The following GYPC variants were observed in gnomAD, a reference collection of about 807,000 sequenced individuals.
GYPC encodes glycophorin C (Gerbich blood group).
Under a neutral mutation model 12.6 loss-of-function variants are expected in GYPC, and 14 were observed. The observed-to-expected ratio is 1.11, with a 90% CI of 0.74 to 1.74. The LOEUF (loss-of-function observed/expected upper bound fraction) is 1.74, where lower values mean the gene tolerates loss of function less well. Among genes scored for constraint, GYPC ranks in the 40% most tolerant of loss-of-function variants. The probability of loss-of-function intolerance (pLI) is 0.00; values close to 1 mark genes in which losing one functional copy is unlikely to be tolerated. For missense variants in GYPC, 225 were observed against 172.1 expected, an observed-to-expected ratio of 1.31 and a Z score of -1.72; for synonymous variants, 78 against 62.1, an observed-to-expected ratio of 1.26 and a Z score of -1.20.
intron 1 of GYPC, among the ~76,000 whole-genome samples, chr2:126,663,108 G>C (rs1383639758): frequency 2.0e-5 from 3 of 152,154 alleles, no homozygotes; most frequent in East Asian, 3.9e-4. Context: ...CATGATCTTG[G>C]CTCACTGCAA....
At chr2:126,685,676 C>A (rs946295015) in intron 1 of GYPC, among the ~76,000 whole-genome samples, 7 of 152,208 alleles carry the variant, frequency 4.6e-5, no homozygotes, top group Non-Finnish European at 1.0e-4. Flanking sequence ...AGCCACTGCA[C>A]CCGGCCTGGT....
intron 1 of GYPC, among the ~76,000 whole-genome samples, chr2:126,677,541 GTA>G (rs1491457647): frequency 4.6e-5 from 7 of 150,546 alleles, no homozygotes; most frequent in Non-Finnish European, 1.0e-4. Context: ...GAGTCTGTGT[GTA>G]TGTGAGTGTG....
intron 1 of GYPC, among the ~76,000 whole-genome samples, chr2:126,688,936 G>A (rs1296084184): frequency 6.6e-6 from 1 of 152,144 alleles, no homozygotes; most frequent in Admixed American, 6.5e-5. Flanking sequence ...TGGGAATACG[G>A]GATTTCCTAT....
chr2:126,690,613 G>A (rs1325806254), intron 2 of GYPC, among the ~76,000 whole-genome samples: 1 of 152,180 alleles, frequency 6.6e-6, no homozygotes, highest in Non-Finnish European at 1.5e-5. Flanking sequence ...GAACTCAGGA[G>A]CTGGAGAGGC....
At chr2:126,660,371 C>G (rs1186723654) in intron 1 of GYPC, among the ~76,000 whole-genome samples, 1 of 152,216 alleles carries the variant, frequency 6.6e-6, no homozygotes, top group African/African-American at 2.4e-5. Flanking sequence ...CCTCACGCAC[C>G]GTCCCAGGCT....
intron 1 of GYPC, among the ~76,000 whole-genome samples, chr2:126,660,800 A>G (rs1233246741): frequency 7.2e-5 from 11 of 152,158 alleles, no homozygotes; most frequent in Non-Finnish European, 4.4e-5. Context: ...TACTAAGTTG[A>G]AATGGACAGG....
At chr2:126,694,229 G>T (rs1043460948) in intron 3 of GYPC, among the ~76,000 whole-genome samples, 1 of 152,140 alleles carries the variant, frequency 6.6e-6, no homozygotes, top group African/African-American at 2.4e-5. Context: ...TGGTGAAGGA[G>T]GTTGAGGGTG....
At chr2:126,659,759 T>G (rs1390871302) in intron 1 of GYPC, among the ~76,000 whole-genome samples, 1 of 151,866 alleles carries the variant, frequency 6.6e-6, no homozygotes, top group Non-Finnish European at 1.5e-5. Context: ...ATAGGCATTT[T>G]CTTTTCTTTT....
At chr2:126,662,520 G>A (rs2104770472) in intron 1 of GYPC, among the ~76,000 whole-genome samples, 1 of 152,314 alleles carries the variant, frequency 6.6e-6, no homozygotes, top group South Asian at 2.1e-4. Context: ...GCTGTGACCT[G>A]GGACAAGTTG....
At position 126,680,753 on chromosome 2, in the gene GYPC, T is replaced by G. The variant is rs28387170; in HGVS notation, c.50-9502T>G. Among the ~76,000 whole-genome samples the G allele has an allele frequency of 4.2e-3, 638 of 152,326 alleles. 3 individuals are homozygous for G. Among genetic ancestry groups the G allele is most frequent in the African/African-American group, 0.014 (599 of 41,568 alleles). ...AATGTACTGTCTCTTTTCCACAACA[T>G]GCATGTCTTTCTTGAAAATGAAAAT... On this transcript the variant is annotated intron_variant, in intron 1 of 3. Transcript: ENST00000259254.
intron 1 of GYPC, among the ~76,000 whole-genome samples, chr2:126,673,808 T>TCA (rs1056698283): frequency 6.6e-6 from 1 of 151,896 alleles, no homozygotes; most frequent in East Asian, 1.9e-4. Flanking sequence ...GCACACACAC[T>TCA]CACACACACA....
intron 1 of GYPC, among the ~76,000 whole-genome samples, chr2:126,688,928 G>C (rs949113408): frequency 2.0e-4 from 30 of 152,122 alleles, no homozygotes; most frequent in African/African-American, 7.0e-4. Context: ...CATTGTAATG[G>C]GAATACGGGA....
chr2:126,695,690 T>A (rs1210460921), intron 3 of GYPC, among the ~76,000 whole-genome samples: 1 of 152,252 alleles, frequency 6.6e-6, no homozygotes, highest in Non-Finnish European at 1.5e-5. Flanking sequence ...ATGTTAAGTG[T>A]TCTGAGCCTG....
chr2:126,696,051 C>T lies in GYPC; in HGVS notation c.296C>T (p.Thr99Met), dbSNP rs149925576. 3.3e-5 allele frequency: 54 copies of T among 1,613,964 alleles called. 1 individual carries two copies. Among genetic ancestry groups the T allele is most frequent in the South Asian group, 2.6e-4 (24 of 91,088 alleles). ...GTYHTNEAKG[T>M]EFAESADAAL... ...TACCACACCAATGAGGCCAAGGGCA[C>T]GGAGTTTGCTGAGAGTGCAGATGCA... The change falls in exon 4 of 4, where the codon ACG becomes ATG. Residue 99 changes from threonine (T) to methionine (M), a missense_variant. Transcript: ENST00000259254.
chr2:126,687,446 C>T (rs1291704138), intron 1 of GYPC, among the ~76,000 whole-genome samples: 2 of 152,186 alleles, frequency 1.3e-5, no homozygotes, highest in African/African-American at 2.4e-5. Flanking sequence ...AGAGACTATG[C>T]TTTGAGAATT....
At chr2:126,695,681 TG>T (rs1474794206) in intron 3 of GYPC, among the ~76,000 whole-genome samples, 1 of 96,518 alleles carries the variant, frequency 1.0e-5, no homozygotes, top group East Asian at 3.4e-4. Context: ...TTTAGGTTAA[TG>T]TTAAGTGTTC....
chr2:126,685,846 C>T (rs1470779144), intron 1 of GYPC: 3 of 985,044 alleles, frequency 3.0e-6, no homozygotes, highest in African/African-American at 3.5e-5. Context: ...CAAGGACCCC[C>T]ATGAAACACC....
intron 1 of GYPC, among the ~76,000 whole-genome samples, chr2:126,687,026 A>C (rs938910355): frequency 2.0e-5 from 3 of 152,100 alleles, no homozygotes; most frequent in Non-Finnish European, 4.4e-5. Context: ...GTCTTCTCCA[A>C]AGACCTGATA....
Position 126,696,166 on chromosome 2 carries a change from G to A in GYPC, c.*24G>A, listed in dbSNP as rs367596353. 90 of 1,555,178 alleles carry A rather than the reference G, an allele frequency of 5.8e-5. No individual in the cohort carries two copies. The African/African-American group carries it at 9.4e-4, about 16-fold the overall frequency. On this transcript the variant is annotated 3_prime_UTR_variant, in exon 4 of 4. Transcript: ENST00000259254. Reference sequence around the variant, plus strand: ...GAGGGACAACAGACTTCACTTCCCTGAATGCCTCCCCCATCTCCATCAGGA... The same window carrying A: ...GAGGGACAACAGACTTCACTTCCCTAAATGCCTCCCCCATCTCCATCAGGA...
Sources: allele counts gnomAD v4.1 joint callset (sites outside exome capture counted in the v4.1 genomes callset), GRCh38; gene constraint gnomAD v4.1.1; transcripts MANE v1.5; gene names NCBI Gene and HGNC (gene_info 2026-07-23, HGNC 2026-07-21).